PALLD: variants seen among roughly 807,000 people sequenced by gnomAD.
PALLD encodes palladin, cytoskeletal associated protein.
Under a neutral mutation model 123.5 loss-of-function variants are expected in PALLD, and 61 were observed. The observed-to-expected ratio is 0.49, with a 90% CI of 0.40 to 0.61. PALLD has a LOEUF of 0.61. Among genes scored for constraint, PALLD ranks in the 20% least tolerant of loss-of-function variants. The pLI is 0.00. For synonymous variants in PALLD, 465 were observed against 496.4 expected (o/e 0.94, Z 0.84); for missense variants, 1,273 against 1,377.0 (o/e 0.92, Z 1.20).
chr4:168,663,514 A>G lies in PALLD; in HGVS notation c.909-4676A>G, dbSNP rs561730465. Among the ~76,000 whole-genome samples the G allele has an allele frequency of 2.6e-5, 4 of 152,206 alleles. No homozygotes were observed. The South Asian group carries it at 6.2e-4, about 24-fold the overall frequency. The stretch of plus-strand genomic sequence containing the variant: ...TTGTGGCCCTGAGTATGAGAGCCCA[A>G]TAGAGGGGGTGCAGAGTGTGTGGGC... On this transcript the variant is annotated intron_variant, in intron 2 of 21. Transcript: ENST00000505667.
In PALLD at chr4:168,691,327, T is replaced by TG. The variant is rs574687212; in HGVS notation, c.1501+40dup. ...TTTTTAGGGTTTTTTTTTTTGGTGGTGGGGGAGCAGATAATGTATCTTTTG... is the reference window on the plus strand; with the variant it reads ...TTTTTAGGGTTTTTTTTTTTGGTGGTGGGGGGAGCAGATAATGTATCTTTTG... On this transcript the variant is annotated intron_variant, in intron 8 of 21. Coordinates refer to ENST00000505667, the MANE Select transcript of PALLD (RefSeq NM_001166108.2). 3,731 of 1,560,026 alleles carry TG rather than the reference T, an allele frequency of 2.4e-3. 13 individuals are homozygous for TG. Among genetic ancestry groups the TG allele is most frequent in the Non-Finnish European group, 2.9e-3 (3,259 of 1,134,040 alleles).
chr4:168,538,895 A>G (rs1295957934), intron 2 of PALLD, among the ~76,000 whole-genome samples: 2 of 152,182 alleles, frequency 1.3e-5, no homozygotes, highest in Non-Finnish European at 2.9e-5. Flanking sequence ...CTGTTTCCGA[A>G]ACACATATGT....
At chr4:168,705,699 C>G (rs1043867456) in intron 8 of PALLD, among the ~76,000 whole-genome samples, 1 of 152,082 alleles carries the variant, frequency 6.6e-6, no homozygotes, top group African/African-American at 2.4e-5. Flanking sequence ...TGCAGTGGCC[C>G]GATCTTGGCT....
At chr4:168,673,909 TG>T (rs1780564792) in intron 3 of PALLD, among the ~76,000 whole-genome samples, 3 of 151,662 alleles carry the variant, frequency 2.0e-5, no homozygotes, top group Admixed American at 2.0e-4. Flanking sequence ...TGTGTGTGTG[TG>T]TGTGTGTCTG....
At chr4:168,767,178 C>T (rs2150478181) in intron 10 of PALLD, among the ~76,000 whole-genome samples, 1 of 152,294 alleles carries the variant, frequency 6.6e-6, no homozygotes. Context: ...CTCTGCCTTT[C>T]ATCTAGACCC....
chr4:168,520,635 G>A (rs1469462250), intron 2 of PALLD, among the ~76,000 whole-genome samples: 2 of 152,152 alleles, frequency 1.3e-5, no homozygotes, highest in East Asian at 3.8e-4. Context: ...TAGCGAAATG[G>A]AATAATTCAG....
At chr4:168,651,161 G>A (rs982745159) in intron 2 of PALLD, among the ~76,000 whole-genome samples, 14 of 152,254 alleles carry the variant, frequency 9.2e-5, no homozygotes, top group Admixed American at 3.9e-4. Context: ...TATATGAATC[G>A]CTAAAGAATT....
In PALLD at chr4:168,921,682, C is replaced by A. The variant is rs201412478; in HGVS notation, c.2999C>A (p.Thr1000Lys). The A allele has an allele frequency of 6.2e-7, 1 of 1,611,620 alleles. No homozygotes were observed. The highest frequency in any genetic ancestry group is 2.1e-4 in the Middle Eastern group (1 of 4,788). ...ACGTCACGTGATGCCGGCATCTACACATGTATAGCTACCAACCGAGCAGGA... is the reference window on the plus strand; with the variant it reads ...ACGTCACGTGATGCCGGCATCTACAAATGTATAGCTACCAACCGAGCAGGA... ...PVTSRDAGIY[T>K]CIATNRAGQN... The change falls in exon 18 of 22, where the codon ACA (threonine) becomes AAA (lysine). Residue 1000 changes from threonine (T) to lysine (K), a missense_variant. Thr to Lys is a moderately conservative substitution (Grantham distance 78, BLOSUM62 -1). This residue lies in a region of PALLD where 329 missense variants were observed against 422.5 expected (regional missense o/e 0.78). Coordinates refer to ENST00000505667, the MANE Select transcript of PALLD (RefSeq NM_001166108.2).
chr4:168,518,116 A>G (rs1763167405), intron 2 of PALLD, among the ~76,000 whole-genome samples: 1 of 152,136 alleles, frequency 6.6e-6, no homozygotes, highest in African/African-American at 2.4e-5. Context: ...TGTTCAGGAA[A>G]AAAACCTTGA....
At chr4:168,749,052 C>CT (rs981544060) in intron 10 of PALLD, among the ~76,000 whole-genome samples, 26 of 152,076 alleles carry the variant, frequency 1.7e-4, no homozygotes, top group African/African-American at 6.0e-4. Flanking sequence ...GTGAGAGGTG[C>CT]TTGGGGCAGG....
At chr4:168,789,133 C>T (rs1737154536) in intron 10 of PALLD, among the ~76,000 whole-genome samples, 1 of 152,120 alleles carries the variant, frequency 6.6e-6, no homozygotes, top group South Asian at 2.1e-4. Flanking sequence ...TCTTTCGTAT[C>T]TTGATTCTTT....
At chr4:168,580,920 T>C (rs545772761) in intron 2 of PALLD, among the ~76,000 whole-genome samples, 3 of 150,308 alleles carry the variant, frequency 2.0e-5, no homozygotes, top group African/African-American at 7.4e-5. Flanking sequence ...AGCCAAAAAA[T>C]GAGAACATGT....
intron 8 of PALLD, among the ~76,000 whole-genome samples, chr4:168,702,090 C>G (rs774214337): frequency 6.6e-6 from 1 of 152,286 alleles, no homozygotes; most frequent in South Asian, 2.1e-4. Context: ...TTTTCAGCAT[C>G]GGGAAACTCC....
intron 10 of PALLD, among the ~76,000 whole-genome samples, chr4:168,772,848 A>G (rs1275858326): frequency 1.3e-5 from 2 of 152,178 alleles, no homozygotes; most frequent in Non-Finnish European, 2.9e-5. Context: ...GAAAAAAGAA[A>G]GGGAAGGAAG....
chr4:168,734,230 A>G (rs928460506), intron 10 of PALLD, among the ~76,000 whole-genome samples: 2 of 151,970 alleles, frequency 1.3e-5, no homozygotes, highest in African/African-American at 2.4e-5. Context: ...AAAATTTACT[A>G]TTTTAAGGTT....
intron 10 of PALLD, among the ~76,000 whole-genome samples, chr4:168,879,143 C>T (rs990096160): frequency 2.0e-5 from 3 of 152,168 alleles, no homozygotes; most frequent in Non-Finnish European, 4.4e-5. Flanking sequence ...AGATACATTA[C>T]ATGCCTCCTC....
chr4:168,797,385 G>A (rs181062553), intron 10 of PALLD, among the ~76,000 whole-genome samples: 8 of 151,928 alleles, frequency 5.3e-5, no homozygotes, highest in African/African-American at 1.4e-4. Context: ...CAATCAAACA[G>A]TATAAACAGA....
intron 10 of PALLD, among the ~76,000 whole-genome samples, chr4:168,744,407 A>T (rs982461769): frequency 2.0e-5 from 3 of 152,176 alleles, no homozygotes. Flanking sequence ...CACATCCTCC[A>T]CAGCCTCGAG....
intron 1 of PALLD, chr4:168,505,035 G>C (rs1394161502): frequency 1.3e-5 from 2 of 152,152 alleles, no homozygotes; most frequent in Admixed American, 6.5e-5. Flanking sequence ...CATTCCTTTT[G>C]ATTTTGACCT....
Sources: gnomAD v4.1 joint callset for allele counts (sites outside exome capture counted in the v4.1 genomes callset) on GRCh38, gnomAD v4.1.1 for gene constraint, gnomAD v4.1.1 regional missense constraint, MANE v1.5 for transcripts, NCBI Gene and HGNC (gene_info 2026-07-23, HGNC 2026-07-21) for gene names.